Variants in SPOCK3 observed in about 807,000 individuals in gnomAD.
SPOCK3 encodes the protein SPARC (osteonectin), cwcv and kazal like domains proteoglycan 3.
A neutral mutation model predicts 56.6 loss-of-function variants in SPOCK3; 30 were observed. That is an observed-to-expected ratio of 0.53 (90% CI 0.40 to 0.72). The LOEUF (loss-of-function observed/expected upper bound fraction) is 0.72, where lower values mean the gene tolerates loss of function less well. Among genes scored for constraint, SPOCK3 ranks in the 30% least tolerant of loss-of-function variants. SPOCK3 has a pLI of 0.00. For missense variants in SPOCK3, 527 were observed against 530.0 expected, an observed-to-expected ratio of 0.99 and a Z score of 0.06; for synonymous variants, 196 against 183.3, an observed-to-expected ratio of 1.07 and a Z score of -0.56.
intron 7 of SPOCK3, among the ~76,000 whole-genome samples, chr4:166,791,724 A>T (rs1741382100): frequency 6.6e-6 from 1 of 152,102 alleles, no homozygotes. Context: ...TTTAATTTGC[A>T]GATATCCTCT....
At chr4:167,055,103 T>C (rs866234523) in intron 3 of SPOCK3, among the ~76,000 whole-genome samples, 2 of 152,150 alleles carry the variant, frequency 1.3e-5, no homozygotes, top group African/African-American at 4.8e-5. Context: ...TATAAAAATA[T>C]AATGACAATG....
At chr4:166,911,336 G>A (rs971480498) in intron 5 of SPOCK3, among the ~76,000 whole-genome samples, 1 of 152,032 alleles carries the variant, frequency 6.6e-6, no homozygotes, top group Non-Finnish European at 1.5e-5. Context: ...GAAGTTTTGG[G>A]GAAATATTTG....
rs182320524 is a variant in SPOCK3, at chr4:166,945,182, T to C, written c.351-32439A>G. 1.4e-3 allele frequency among the ~76,000 whole-genome samples: 213 copies of C among 152,242 alleles called. 2 individuals are homozygous for C. Among genetic ancestry groups the C allele is most frequent in the Non-Finnish European group, 4.9e-4 (33 of 68,014 alleles). On this transcript the variant is annotated intron_variant, in intron 4 of 10. Transcript: ENST00000357545. Reference sequence around the variant, plus strand: ...TGGCCTTTTTTGGTGGAGGATGATATTTAGAAACCAAGACCTATGAACCAG... The same window carrying C: ...TGGCCTTTTTTGGTGGAGGATGATACTTAGAAACCAAGACCTATGAACCAG...
At chr4:166,946,039 AT>A (rs11308347) in intron 4 of SPOCK3, among the ~76,000 whole-genome samples, 115,018 of 151,824 alleles carry the variant, frequency 0.76, 43,756 homozygotes, top group East Asian at 0.91. Context: ...TTTTGTAAAA[AT>A]ATATATTTAT....
chr4:166,955,999 A>G (rs1436629272), intron 4 of SPOCK3, among the ~76,000 whole-genome samples: 3 of 151,992 alleles, frequency 2.0e-5, no homozygotes, highest in Non-Finnish European at 4.4e-5. Context: ...TTCCTGGTAC[A>G]TTGTCACTAA....
At chr4:167,111,033 C>A (rs1760858996) in intron 2 of SPOCK3, among the ~76,000 whole-genome samples, 1 of 151,044 alleles carries the variant, frequency 6.6e-6, no homozygotes, top group Non-Finnish European at 1.5e-5. Flanking sequence ...ACTTACAGGG[C>A]CAAAAAAAGA....
At chr4:166,809,030 C>G (rs948762190) in intron 6 of SPOCK3, among the ~76,000 whole-genome samples, 3 of 151,678 alleles carry the variant, frequency 2.0e-5, no homozygotes, top group South Asian at 2.1e-4. Flanking sequence ...GTATAAAAAC[C>G]AGAGTTACAA....
intron 4 of SPOCK3, among the ~76,000 whole-genome samples, chr4:166,934,364 G>T (rs1384369281): frequency 1.3e-5 from 2 of 151,562 alleles, no homozygotes; most frequent in Admixed American, 6.6e-5. Flanking sequence ...CAGGTGTGGT[G>T]GGGGGCACCT....
intron 7 of SPOCK3, among the ~76,000 whole-genome samples, chr4:166,786,048 A>AT (rs1740696667): frequency 6.6e-6 from 1 of 152,144 alleles, no homozygotes; most frequent in African/African-American, 2.4e-5. Flanking sequence ...TCAGGTAGCA[A>AT]TATTTACTAG....
At chr4:166,787,345 C>A (rs1055780089) in intron 7 of SPOCK3, among the ~76,000 whole-genome samples, 1 of 152,128 alleles carries the variant, frequency 6.6e-6, no homozygotes, top group South Asian at 2.1e-4. Flanking sequence ...CTCTCTCTTG[C>A]ATGTTTGCAC....
intron 3 of SPOCK3, among the ~76,000 whole-genome samples, chr4:167,053,857 T>A (rs1470820600): frequency 2.6e-5 from 4 of 152,050 alleles, no homozygotes; most frequent in African/African-American, 7.2e-5. Context: ...CAGCTACACT[T>A]CTTGCCCCTA....
intron 7 of SPOCK3, among the ~76,000 whole-genome samples, chr4:166,761,991 T>A (rs189848955): frequency 1.3e-5 from 2 of 152,080 alleles, no homozygotes; most frequent in East Asian, 3.9e-4. Context: ...TCAGAAGATA[T>A]TTAATGCTCA....
At chr4:167,058,351 C>A (rs1366978253) in intron 3 of SPOCK3, among the ~76,000 whole-genome samples, 1 of 152,020 alleles carries the variant, frequency 6.6e-6, no homozygotes, top group Non-Finnish European at 1.5e-5. Flanking sequence ...TCTTTTACAC[C>A]AATAACAGGC....
intron 8 of SPOCK3, among the ~76,000 whole-genome samples, 175 bp from the exon 9 acceptor site, chr4:166,742,234 C>CATCTATCT (rs3077121): frequency 0.031 from 3,818 of 121,884 alleles, 47 homozygotes; most frequent in East Asian, 0.056. Context: ...GTCTATCTAT[C>CATCTATCT]ATCTATCTAT....
At position 167,035,828 on chromosome 4, in the gene SPOCK3, T is replaced by C. The variant is rs531666180; in HGVS notation, c.235+26664A>G. On this transcript the variant is annotated intron_variant, in intron 3 of 10. Transcript: ENST00000357545. ...CAGCCAGTTAAAACCTGCTAACTTA[T>C]GTGCCTACTATCAGGAGTTCCACAA... Among the ~76,000 whole-genome samples the C allele has an allele frequency of 7.9e-5, 12 of 152,350 alleles. 1 individual carries two copies. The highest frequency in any genetic ancestry group is 2.6e-4 in the African/African-American group (11 of 41,586).
chr4:166,947,682 C>A (rs982149378), intron 4 of SPOCK3, among the ~76,000 whole-genome samples: 4 of 152,092 alleles, frequency 2.6e-5, no homozygotes, highest in African/African-American at 4.8e-5. Context: ...AAAGATTGTA[C>A]TAAAACATTC....
chr4:167,073,815 C>T (rs944895769), intron 2 of SPOCK3, among the ~76,000 whole-genome samples: 3 of 151,752 alleles, frequency 2.0e-5, no homozygotes, highest in African/African-American at 7.3e-5. Context: ...TAGTTCATGG[C>T]TTCTAAAATC....
chr4:166,979,365 C>A (rs1010536849), intron 4 of SPOCK3, among the ~76,000 whole-genome samples: 1 of 152,108 alleles, frequency 6.6e-6, no homozygotes, highest in Non-Finnish European at 1.5e-5. Flanking sequence ...TAAACTCCAA[C>A]CCTACAATAA....
chr4:167,008,078 A>C (rs1327478280), intron 3 of SPOCK3, among the ~76,000 whole-genome samples: 1 of 152,110 alleles, frequency 6.6e-6, no homozygotes, highest in Non-Finnish European at 1.5e-5. Flanking sequence ...ACTTAATGAA[A>C]ATAAGTTTTA....
Sources: gnomAD v4.1 joint callset for allele counts (sites outside exome capture counted in the v4.1 genomes callset) on GRCh38, gnomAD v4.1.1 for gene constraint, MANE v1.5 for transcripts, NCBI Gene and HGNC (gene_info 2026-07-23, HGNC 2026-07-21) for gene names.